NCALD: variants seen among roughly 807,000 people sequenced by gnomAD.
NCALD encodes the protein neurocalcin delta, also known as neurocalcin-delta.
Under a neutral mutation model 18.6 loss-of-function variants are expected in NCALD, and 10 were observed. The observed-to-expected ratio is 0.54, with a 90% CI of 0.33 to 0.91. The LOEUF (loss-of-function observed/expected upper bound fraction) is 0.91. Among genes scored for constraint, NCALD ranks in the 40% least tolerant of loss-of-function variants. The probability of loss-of-function intolerance (pLI) is 0.03; values close to 1 mark genes in which losing one functional copy is unlikely to be tolerated. For missense variants in NCALD, 184 were observed against 247.6 expected, an observed-to-expected ratio of 0.74 and a Z score of 1.72; for synonymous variants, 88 against 87.4, an observed-to-expected ratio of 1.01 and a Z score of -0.04.
chr8:101,873,739 A>G (rs1222035989), intron 4 of NCALD, among the ~76,000 whole-genome samples: 1 of 152,198 alleles, frequency 6.6e-6, no homozygotes, highest in East Asian at 1.9e-4. Context: ...TGCCGCCCCC[A>G]TTGCAAAGCC....
At chr8:101,818,524 TTCAA>T (rs1354118159) in intron 4 of NCALD, among the ~76,000 whole-genome samples, 1 of 152,192 alleles carries the variant, frequency 6.6e-6, no homozygotes, top group Non-Finnish European at 1.5e-5. Flanking sequence ...CCCTCTATTT[TTCAA>T]TCAATGTGGG....
intron 4 of NCALD, among the ~76,000 whole-genome samples, chr8:101,856,630 T>A (rs1351366458): frequency 6.6e-6 from 1 of 152,170 alleles, no homozygotes; most frequent in Non-Finnish European, 1.5e-5. Flanking sequence ...TGAAAACTTA[T>A]GGTATACTTA....
chr8:101,736,015 C>A (rs1320744997), intron 1 of NCALD, among the ~76,000 whole-genome samples: 1 of 152,234 alleles, frequency 6.6e-6, no homozygotes, highest in East Asian at 1.9e-4. Flanking sequence ...TTGTGCCCTA[C>A]ACATCTGGGC....
chr8:102,038,860 T>G (rs1029577545), intron 1 of NCALD, among the ~76,000 whole-genome samples: 2 of 152,118 alleles, frequency 1.3e-5, no homozygotes, highest in African/African-American at 4.8e-5. Flanking sequence ...CAAATGGTGA[T>G]GTGCTAGTCA....
chr8:102,016,989 A>G, intron 2 of NCALD, among the ~76,000 whole-genome samples: 1 of 152,132 alleles, frequency 6.6e-6, no homozygotes, highest in East Asian at 1.9e-4. Flanking sequence ...AGAAAAGATA[A>G]AGGATCTTAG....
chr8:102,124,021 G>C (rs1292818481), intron 1 of NCALD: 2 of 152,424 alleles, frequency 1.3e-5, no homozygotes, highest in African/African-American at 4.8e-5. Flanking sequence ...GAGGCACTGG[G>C]GGAATGACAG....
At chr8:101,691,397 C>T (rs1164529526) in intron 3 of NCALD, 1 of 985,222 alleles carries the variant, frequency 1.0e-6, no homozygotes, top group Non-Finnish European at 1.2e-6. Context: ...GCAGCAGAGT[C>T]CCAGTGGAAA....
intron 3 of NCALD, chr8:101,887,299 G>T (rs1816710853): frequency 6.6e-6 from 1 of 152,148 alleles, no homozygotes; most frequent in East Asian, 1.9e-4. Flanking sequence ...TGGTGAGACT[G>T]TCACTTTTAT....
chr8:101,706,612 G>A (rs1815536913), intron 2 of NCALD, among the ~76,000 whole-genome samples: 1 of 152,192 alleles, frequency 6.6e-6, no homozygotes, highest in Non-Finnish European at 1.5e-5. Flanking sequence ...CTTTGCAGAT[G>A]CAATCAAGTT....
intron 1 of NCALD, among the ~76,000 whole-genome samples, chr8:102,021,234 A>G (rs531874864): frequency 1.3e-5 from 2 of 152,310 alleles, no homozygotes; most frequent in Non-Finnish European, 2.9e-5. Flanking sequence ...ATATTTATTG[A>G]GCAAAAGAAT....
At chr8:101,733,480 A>T (rs1816933295) in intron 1 of NCALD, among the ~76,000 whole-genome samples, 1 of 152,170 alleles carries the variant, frequency 6.6e-6, no homozygotes, top group East Asian at 1.9e-4. Context: ...GTTTTGGAGG[A>T]CCAAGTGAGA....
At chr8:101,901,189 C>T (rs1186632093) in intron 3 of NCALD, among the ~76,000 whole-genome samples, 1 of 151,798 alleles carries the variant, frequency 6.6e-6, no homozygotes, top group East Asian at 1.9e-4. Flanking sequence ...TTAATATTTA[C>T]ATTAAAACAT....
intron 2 of NCALD, among the ~76,000 whole-genome samples, chr8:101,976,029 C>T (rs6468806): frequency 0.4 from 60,234 of 151,868 alleles, 12,150 homozygotes; most frequent in South Asian, 0.45. Context: ...AGCTTCCTCC[C>T]GCCAAGATGC....
intron 1 of NCALD, chr8:102,020,387 A>G (rs1207916683): frequency 6.6e-6 from 1 of 152,218 alleles, no homozygotes; most frequent in Non-Finnish European, 1.5e-5. Flanking sequence ...AGATCTGTTA[A>G]TATACATAAA....
chr8:101,927,190 A>G (rs1389403243), intron 2 of NCALD, among the ~76,000 whole-genome samples: 1 of 152,034 alleles, frequency 6.6e-6, no homozygotes, highest in Non-Finnish European at 1.5e-5. Flanking sequence ...TTACCTCTTC[A>G]CCAGTTTATT....
At chr8:102,059,765 C>T (rs1295528244) in intron 1 of NCALD, among the ~76,000 whole-genome samples, 2 of 152,006 alleles carry the variant, frequency 1.3e-5, no homozygotes, top group African/African-American at 4.8e-5. Flanking sequence ...CCCTGAACAC[C>T]CCACTCCCTG....
At chr8:101,855,961 GA>G (rs1299477330) in intron 4 of NCALD, among the ~76,000 whole-genome samples, 2 of 152,090 alleles carry the variant, frequency 1.3e-5, no homozygotes, top group East Asian at 3.9e-4. Flanking sequence ...ATATCCTCAT[GA>G]ACACTCATAC....
intron 2 of NCALD, chr8:101,986,519 AAG>A (rs929256717): frequency 1.1e-4 from 16 of 152,190 alleles, no homozygotes; most frequent in Admixed American, 9.8e-4. Context: ...CAATTTTAAA[AAG>A]GAGAAAATCC....
chr8:102,112,609 A>G (rs577104574), intron 1 of NCALD, among the ~76,000 whole-genome samples: 1 of 152,322 alleles, frequency 6.6e-6, no homozygotes, highest in South Asian at 2.1e-4. Context: ...CCAAATTAGA[A>G]CTACAGGAAG....
Sources: gnomAD v4.1 joint callset for allele counts (sites outside exome capture counted in the v4.1 genomes callset) on GRCh38, gnomAD v4.1.1 for gene constraint, MANE v1.5 for transcripts, NCBI Gene and HGNC (gene_info 2026-07-23, HGNC 2026-07-21) for gene names.